DCC: variants seen among roughly 807,000 people sequenced by gnomAD.
The protein encoded by DCC is DCC netrin 1 receptor.
A neutral mutation model predicts 172.5 loss-of-function variants in DCC; 58 were observed. That is an observed-to-expected ratio of 0.34 (90% CI 0.27 to 0.42). The LOEUF (loss-of-function observed/expected upper bound fraction) is 0.42. DCC is among the 10% of genes least tolerant of loss of function. The pLI, the probability that DCC is intolerant of heterozygous loss-of-function variation, is 1.00. For synonymous variants in DCC, 709 were observed against 644.5 expected (o/e 1.10, Z -1.52); for missense variants, 1,740 against 1,791.0 (o/e 0.97, Z 0.51).
At chr18:52,819,020 A>G (rs1347683156) in intron 2 of DCC, among the ~76,000 whole-genome samples, 5 of 152,206 alleles carry the variant, frequency 3.3e-5, no homozygotes, top group Non-Finnish European at 7.3e-5. Context: ...TTAAGTGAAC[A>G]TCATAAAACT....
chr18:52,513,592 A>G (rs2031521431), intron 1 of DCC, among the ~76,000 whole-genome samples: 1 of 152,208 alleles, frequency 6.6e-6, no homozygotes, highest in Admixed American at 6.5e-5. Context: ...ATGTACATTT[A>G]CTTATTTACT....
At chr18:52,785,097 A>G (rs9953235) in intron 2 of DCC, among the ~76,000 whole-genome samples, 9,153 of 152,086 alleles carry the variant, frequency 0.06, 361 homozygotes, top group South Asian at 0.16. Context: ...CACAGGGAAG[A>G]CTGGTCACCC....
intron 5 of DCC, among the ~76,000 whole-genome samples, chr18:53,061,038 T>G (rs1006821463): frequency 6.6e-6 from 1 of 152,172 alleles, no homozygotes; most frequent in Non-Finnish European, 1.5e-5. Flanking sequence ...TTGCTACCAG[T>G]GATGTATTGT....
intron 2 of DCC, among the ~76,000 whole-genome samples, chr18:52,875,828 A>G (rs1292798008): frequency 6.6e-6 from 1 of 152,126 alleles, no homozygotes; most frequent in Non-Finnish European, 1.5e-5. Flanking sequence ...AGATAAAGGC[A>G]AGGAAGCTGG....
intron 7 of DCC, among the ~76,000 whole-genome samples, chr18:53,137,618 T>G (rs1431207636): frequency 1.3e-5 from 2 of 152,196 alleles, no homozygotes; most frequent in Non-Finnish European, 2.9e-5. Flanking sequence ...GAAATCCAAC[T>G]GTACCCAGTG....
At chr18:52,557,262 C>A (rs1010711339) in intron 1 of DCC, among the ~76,000 whole-genome samples, 1 of 152,150 alleles carries the variant, frequency 6.6e-6, no homozygotes, top group Non-Finnish European at 1.5e-5. Flanking sequence ...AAGGATAGCG[C>A]CTAGGGTTTC....
chr18:52,795,656 TA>T (rs1419541017), intron 2 of DCC, among the ~76,000 whole-genome samples: 15 of 152,152 alleles, frequency 9.9e-5, no homozygotes, highest in African/African-American at 3.6e-4. Context: ...TCTGTTTTCT[TA>T]TTTTTTCTAG....
chr18:53,305,053 C>G (rs990574737), intron 12 of DCC, among the ~76,000 whole-genome samples: 2 of 152,188 alleles, frequency 1.3e-5, no homozygotes, highest in African/African-American at 2.4e-5. Flanking sequence ...CGTTCCCTTG[C>G]CTGCTGCCAT....
chr18:52,826,347 C>T (rs1237009743), intron 2 of DCC, among the ~76,000 whole-genome samples: 1 of 152,190 alleles, frequency 6.6e-6, no homozygotes, highest in African/African-American at 2.4e-5. Flanking sequence ...AAATAAGTCC[C>T]ACTCCTCTAC....
intron 5 of DCC, among the ~76,000 whole-genome samples, chr18:52,938,209 G>T (rs530153174): frequency 2.5e-3 from 382 of 152,146 alleles, no homozygotes; most frequent in African/African-American, 9.0e-3. Context: ...TCAAGGTGGA[G>T]GAAAAAATCT....
chr18:52,921,492 A>G (rs901130368), intron 3 of DCC, among the ~76,000 whole-genome samples: 2 of 152,054 alleles, frequency 1.3e-5, no homozygotes, highest in Non-Finnish European at 2.9e-5. Context: ...TGAGATGAGG[A>G]GTTCGAGACC....
At chr18:52,571,880 A>G (rs1029420389) in intron 1 of DCC, among the ~76,000 whole-genome samples, 27 of 152,210 alleles carry the variant, frequency 1.8e-4, no homozygotes, top group Non-Finnish European at 8.8e-5. Flanking sequence ...ATGGAAACAT[A>G]CAAAGATTCC....
chr18:52,373,915 C>T (rs1038251509), intron 1 of DCC, among the ~76,000 whole-genome samples: 48 of 112,268 alleles, frequency 4.3e-4, no homozygotes, highest in Admixed American at 2.6e-3. Flanking sequence ...TTTTTTGAGA[C>T]GGAGTCTCGC....
chr18:53,339,804 C>T lies in DCC; in HGVS notation c.2256C>T (p.Asn752=). ...IMSWTPPLNP[N]IVVRGYIIGY... is the part of the protein sequence containing the mutation. ...GTTGGACTCCTCCCTTGAACCCAAA[C>T]ATCGTGGTGCGAGGTTATATTATCG... The change falls in exon 15 of 29, where the codon AAC becomes AAT. Residue 752 remains asparagine, a synonymous_variant. Coordinates refer to ENST00000442544, the MANE Select transcript of DCC (RefSeq NM_005215.4). The T allele has an allele frequency of 6.2e-7, 1 of 1,613,972 alleles. No individual in the cohort carries two copies. Among genetic ancestry groups the T allele is most frequent in the Non-Finnish European group, 8.5e-7 (1 of 1,179,920 alleles).
chr18:53,059,266 G>T (rs2042460117), intron 5 of DCC, among the ~76,000 whole-genome samples: 1 of 152,000 alleles, frequency 6.6e-6, no homozygotes, highest in Non-Finnish European at 1.5e-5. Context: ...ATGAGATTTG[G>T]GTGGAGACGT....
At chr18:52,957,665 G>C (rs560303263) in intron 5 of DCC, among the ~76,000 whole-genome samples, 24 of 152,204 alleles carry the variant, frequency 1.6e-4, no homozygotes, top group African/African-American at 4.6e-4. Flanking sequence ...CTCCACTGTG[G>C]GTTTTCAGGA....
At chr18:53,462,659 A>G (rs767892463) in intron 24 of DCC, among the ~76,000 whole-genome samples, 2 of 152,180 alleles carry the variant, frequency 1.3e-5, no homozygotes, top group Non-Finnish European at 1.5e-5. Flanking sequence ...CCCCAGGTCC[A>G]TGAAAAAATT....
chr18:52,799,221 G>A (rs188987460), intron 2 of DCC, among the ~76,000 whole-genome samples: 131 of 152,270 alleles, frequency 8.6e-4, no homozygotes, highest in African/African-American at 3.1e-3. Flanking sequence ...CACATTCAGC[G>A]GAGCTAACAT....
At chr18:52,878,440 G>C (rs1412059667) in intron 2 of DCC, among the ~76,000 whole-genome samples, 1 of 152,128 alleles carries the variant, frequency 6.6e-6, no homozygotes, top group Non-Finnish European at 1.5e-5. Flanking sequence ...GACTGCATTA[G>C]TGTTACATTG....
Sources: gnomAD v4.1 joint callset for allele counts (sites outside exome capture counted in the v4.1 genomes callset) on GRCh38, gnomAD v4.1.1 for gene constraint, MANE v1.5 for transcripts, NCBI Gene and HGNC (gene_info 2026-07-23, HGNC 2026-07-21) for gene names.